Variants in ATP2B2 observed in about 807,000 individuals in gnomAD.
The protein encoded by ATP2B2 is ATPase plasma membrane Ca2+ transporting 2, also known as plasma membrane calcium-transporting ATPase 2.
A neutral mutation model predicts 120.0 loss-of-function variants in ATP2B2; 15 were observed. That is an observed-to-expected ratio of 0.12 (90% CI 0.08 to 0.19). The LOEUF (loss-of-function observed/expected upper bound fraction) is 0.19, where lower values mean the gene tolerates loss of function less well. Among genes scored for constraint, ATP2B2 ranks in the 10% least tolerant of loss-of-function variants. The probability of loss-of-function intolerance (pLI) is 1.00; values close to 1 mark genes in which losing one functional copy is unlikely to be tolerated. For missense variants in ATP2B2, 1,045 were observed against 1,719.8 expected (o/e 0.61, Z 6.94); for synonymous variants, 694 against 700.3 (o/e 0.99, Z 0.14).
At chr3:10,667,269 C>T (rs562237997) in intron 1 of ATP2B2, among the ~76,000 whole-genome samples, 45 of 152,298 alleles carry the variant, frequency 3.0e-4, no homozygotes, top group African/African-American at 1.0e-3. Flanking sequence ...AGAGGTAATG[C>T]CACTGGCTCA....
At chr3:10,504,543 G>C (rs1026412016) in intron 1 of ATP2B2, among the ~76,000 whole-genome samples, 1 of 150,434 alleles carries the variant, frequency 6.6e-6, no homozygotes, top group Non-Finnish European at 1.5e-5. Context: ...TGCCTGATTG[G>C]GGCAGGCCAG....
intron 2 of ATP2B2, among the ~76,000 whole-genome samples, chr3:10,447,025 C>T (rs1225203841): frequency 6.6e-6 from 1 of 152,218 alleles, no homozygotes; most frequent in African/African-American, 2.4e-5. Context: ...TAGCCAAGTC[C>T]AAACACCTTC....
chr3:10,403,916 A>G (rs1025593450), intron 3 of ATP2B2, among the ~76,000 whole-genome samples: 2 of 152,244 alleles, frequency 1.3e-5, no homozygotes, highest in African/African-American at 2.4e-5. Context: ...TGTGTTTGCC[A>G]AAGATTCATG....
intron 3 of ATP2B2, among the ~76,000 whole-genome samples, chr3:10,517,478 T>C (rs1266215714): frequency 1.3e-5 from 2 of 152,206 alleles, no homozygotes; most frequent in South Asian, 2.1e-4. Context: ...AATGCATACA[T>C]GCTCCATTCT....
chr3:10,477,228 T>TTC (rs202147859), intron 1 of ATP2B2, among the ~76,000 whole-genome samples: 1 of 152,128 alleles, frequency 6.6e-6, no homozygotes, highest in African/African-American at 2.4e-5. Context: ...GATTGGTGCT[T>TTC]TTGTGTGTGT....
intron 8 of ATP2B2, among the ~76,000 whole-genome samples, chr3:10,382,925 A>G (rs1480391087): frequency 6.6e-6 from 1 of 151,776 alleles, no homozygotes. Flanking sequence ...TTCTCTCTCA[A>G]TCGGCAAGGT....
chr3:10,634,004 A>AAG (rs200621564), intron 1 of ATP2B2, among the ~76,000 whole-genome samples: 3,126 of 151,570 alleles, frequency 0.021, 51 homozygotes, highest in South Asian at 0.061. Flanking sequence ...CAACCCGATC[A>AAG]AGAGAGAGAG....
At position 10,402,404 on chromosome 3, in the gene ATP2B2, A is replaced by T; in HGVS notation, c.398-56T>A. ...AGGTCAACCAGACAGGAGAGGCCTC[A>T]TGGGCCTGGATTTACAGCTCAGCTC... is the stretch of plus-strand genomic sequence containing the variant. On this transcript the variant is annotated intron_variant, in intron 3 of 22. Coordinates refer to ENST00000360273, the MANE Select transcript of ATP2B2 (RefSeq NM_001001331.4). This position sits in a 1 kb window ranked among gnomAD's most constrained non-coding sequence, Gnocchi z 4.9. The T allele has an allele frequency of 6.2e-7, 1 of 1,604,090 alleles. No individual in the cohort carries two copies. Among genetic ancestry groups the T allele is most frequent in the Non-Finnish European group, 8.5e-7 (1 of 1,178,074 alleles).
chr3:10,601,237 G>A (rs982817248), intron 2 of ATP2B2, among the ~76,000 whole-genome samples: 34 of 152,308 alleles, frequency 2.2e-4, no homozygotes, highest in African/African-American at 7.5e-4. Context: ...GGTGCCCAGC[G>A]TGAGCCAGGA....
Position 10,647,840 on chromosome 3 carries a change from C to T in ATP2B2, c.-459-27879G>A, listed in dbSNP as rs1284615472. Among the ~76,000 whole-genome samples, 15 of 152,220 alleles carry T rather than the reference C, an allele frequency of 9.9e-5. No individual in the cohort carries two copies. The South Asian group carries it at 1.9e-3, about 19-fold the overall frequency. On this transcript the variant is annotated intron_variant, in intron 1 of 21. Coordinates refer to the ATP2B2 transcript ENST00000646379. Reference sequence around the variant, plus strand: ...GAGATAAAACTCCATGGGCAAAGTCCAGAGAGGTGCACAAAAGAACTCTTC... The same window carrying T: ...GAGATAAAACTCCATGGGCAAAGTCTAGAGAGGTGCACAAAAGAACTCTTC...
chr3:10,422,809 T>G (rs2063030226), intron 2 of ATP2B2, among the ~76,000 whole-genome samples: 1 of 152,258 alleles, frequency 6.6e-6, no homozygotes, highest in Non-Finnish European at 1.5e-5. Flanking sequence ...GCTGTGTTCC[T>G]GTAATTCAAC....
In ATP2B2 at chr3:10,340,764, T is replaced by G; in HGVS notation, c.2918-60A>C. 3.9e-6 allele frequency: 6 copies of G among 1,553,390 alleles called. No individual in the cohort carries two copies. The highest frequency in any genetic ancestry group is 1.4e-5 in the African/African-American group (1 of 73,678). On this transcript the variant is annotated intron_variant, in intron 19 of 22. Transcript: ENST00000360273. This position sits in a 1 kb window ranked among gnomAD's most constrained non-coding sequence, Gnocchi z 5.0. ...AGTGGTGGGGGAATCAGAGGGGAGA[T>G]GCCTGGCCTTTCGTGGGGGCCTCTT...
At chr3:10,348,319 C>G (rs1430426424) in intron 16 of ATP2B2, among the ~76,000 whole-genome samples, 1 of 152,110 alleles carries the variant, frequency 6.6e-6, no homozygotes, top group Non-Finnish European at 1.5e-5. Context: ...GGGCAGGTGA[C>G]AACTCTTAAG....
chr3:10,474,938 C>T (rs1483710967), intron 1 of ATP2B2, among the ~76,000 whole-genome samples: 1 of 152,238 alleles, frequency 6.6e-6, no homozygotes. Flanking sequence ...GTCCATGGCT[C>T]ATGGTGAACC....
intron 1 of ATP2B2, among the ~76,000 whole-genome samples, chr3:10,698,274 TG>T (rs1296649228): frequency 2.0e-5 from 3 of 152,178 alleles, no homozygotes; most frequent in Non-Finnish European, 4.4e-5. Context: ...CTTTTGTCCC[TG>T]GGGTGCTGTG....
At chr3:10,513,899 C>T (rs2066825803) in intron 3 of ATP2B2, among the ~76,000 whole-genome samples, 1 of 152,088 alleles carries the variant, frequency 6.6e-6, no homozygotes, top group African/African-American at 2.4e-5. Flanking sequence ...CTGGTTTTTT[C>T]CCAACCCCCC....
intron 18 of ATP2B2, among the ~76,000 whole-genome samples, chr3:10,344,567 C>T (rs2060375478): frequency 6.6e-6 from 1 of 152,200 alleles, no homozygotes; most frequent in South Asian, 2.1e-4. Flanking sequence ...GCCCAGGTGG[C>T]TACTGGGAGT....
intron 1 of ATP2B2, among the ~76,000 whole-genome samples, chr3:10,468,806 T>C (rs988105830): frequency 1.3e-5 from 2 of 152,234 alleles, no homozygotes; most frequent in East Asian, 3.9e-4. Context: ...GCCATCTGTC[T>C]GCCTTGCCAT....
At position 10,682,582 on chromosome 3, in the gene ATP2B2, A is replaced by C. The variant is rs1167730422; in HGVS notation, c.-460+25333T>G. On this transcript the variant is annotated intron_variant, in intron 1 of 21. Transcript: ENST00000646379. ...GGGAAATGCTTAGTGAGTGTAACCT[A>C]TTAAGAGGACAGACCTGGGAGATGG... is the stretch of plus-strand genomic sequence containing the variant. 2.0e-5 allele frequency among the ~76,000 whole-genome samples: 3 copies of C among 152,242 alleles called. No individual in the cohort carries two copies. The East Asian group carries it at 5.8e-4, about 29-fold the overall frequency.
Sources: gnomAD v4.1 joint callset for allele counts (sites outside exome capture counted in the v4.1 genomes callset) on GRCh38, gnomAD v4.1.1 for gene constraint, Gnocchi (gnomAD v3.1) non-coding constraint, MANE v1.5 for transcripts, NCBI Gene and HGNC (gene_info 2026-07-23, HGNC 2026-07-21) for gene names.